The following MYO5A variants were observed in gnomAD, a reference collection of about 807,000 sequenced individuals.
MYO5A encodes the protein unconventional myosin-Va.
In MYO5A, 98 loss-of-function variants were observed where a neutral mutation model predicts 249.7. That is an observed-to-expected ratio of 0.39 (90% CI 0.33 to 0.46). The LOEUF (loss-of-function observed/expected upper bound fraction) is 0.46. MYO5A is among the 20% of genes least tolerant of loss of function. MYO5A has a pLI of 0.98. For synonymous variants in MYO5A, 778 were observed against 810.6 expected (o/e 0.96, Z 0.68); for missense variants, 1,696 against 2,308.8 (o/e 0.73, Z 5.44).
chr15:52,323,104 T>C (rs1596284825), intron 37 of MYO5A, among the ~76,000 whole-genome samples: 1 of 152,220 alleles, frequency 6.6e-6, no homozygotes, highest in African/African-American at 2.4e-5. Context: ...AAAGTTTTAC[T>C]TCTGGTAACT....
chr15:52,436,818 T>C (rs907409669), intron 1 of MYO5A, among the ~76,000 whole-genome samples: 4 of 135,154 alleles, frequency 3.0e-5, no homozygotes, highest in Non-Finnish European at 5.9e-5. Context: ...TCTCTTATTA[T>C]TACCAACACA....
At chr15:52,404,267 C>CA (rs61505096) in intron 9 of MYO5A, among the ~76,000 whole-genome samples, 56 of 87,540 alleles carry the variant, frequency 6.4e-4, no homozygotes, top group African/African-American at 2.2e-3. Flanking sequence ...AACTCCGTCT[C>CA]AAAAAAAAAA....
chr15:52,524,278 G>C (rs1249101970), intron 1 of MYO5A, among the ~76,000 whole-genome samples: 1 of 152,130 alleles, frequency 6.6e-6, no homozygotes, highest in Non-Finnish European at 1.5e-5. Flanking sequence ...AATAAGCCAG[G>C]CATGGTGGCT....
rs73408458 is a variant in MYO5A at position 52,338,095 on chromosome 15, C to A, written c.4240-211G>T. Among the ~76,000 whole-genome samples, 164 of 152,134 alleles carry A rather than the reference C, an allele frequency of 1.1e-3. 1 individual carries two copies. The highest frequency in any genetic ancestry group is 3.7e-3 in the African/African-American group (153 of 41,510). On this transcript the variant is annotated intron_variant, in intron 32 of 41. Transcript: ENST00000399233. ...TATGTACAGATGTTTCTTGTGTGAA[C>A]AAAGGAAAGAGGCTGTGGCCAGGAT...
chr15:52,369,869 CTTTTTTTT>C, intron 22 of MYO5A, among the ~76,000 whole-genome samples: 1 of 93,806 alleles, frequency 1.1e-5, no homozygotes, highest in African/African-American at 3.7e-5. Flanking sequence ...CCCAGACTGA[CTTTTTTTT>C]TTTTTTTTTT....
chr15:52,485,444 T>C (rs2076800557), intron 1 of MYO5A, among the ~76,000 whole-genome samples: 1 of 152,188 alleles, frequency 6.6e-6, no homozygotes, highest in South Asian at 2.1e-4. Flanking sequence ...CCTAAGTCAG[T>C]TGATCTCTGC....
intron 1 of MYO5A, among the ~76,000 whole-genome samples, chr15:52,480,822 C>T (rs1408004056): frequency 6.6e-6 from 1 of 152,186 alleles, no homozygotes; most frequent in Non-Finnish European, 1.5e-5. Flanking sequence ...ATCTACAGTG[C>T]TACAAAGTGC....
rs141510750 is a variant in MYO5A, at chr15:52,344,699, C to G, written c.3960-1502G>C. Among the ~76,000 whole-genome samples the G allele has an allele frequency of 4.4e-4, 67 of 152,348 alleles. 1 individual carries two copies. In the East Asian group the frequency reaches 7.1e-3, roughly 16 times the overall value. ...TAGCTTTCCAAAAATCAAATCTCAT[C>G]ACACCATTCTCCTACTTAACACCTT... On this transcript the variant is annotated intron_variant, in intron 30 of 41. Coordinates refer to ENST00000399233, the MANE Select transcript of MYO5A (RefSeq NM_001382347.1).
In MYO5A at chr15:52,451,563, C is replaced by T. The variant is rs77926089; in HGVS notation, c.28-18278G>A. ...ATTTGGCACTTGCCCTCAGAAGGTT[C>T]GAAGAACCAACCCCATCTCATGACA... On this transcript the variant is annotated intron_variant, in intron 1 of 41. Coordinates refer to ENST00000399233, the MANE Select transcript of MYO5A (RefSeq NM_001382347.1). Among the ~76,000 whole-genome samples the T allele has an allele frequency of 6.6e-4, 101 of 152,318 alleles. 1 individual carries two copies. The highest frequency in any genetic ancestry group is 2.7e-3 in the East Asian group (14 of 5,188).
intron 1 of MYO5A, among the ~76,000 whole-genome samples, chr15:52,470,033 C>T (rs1595741621): frequency 1.3e-5 from 2 of 152,192 alleles, no homozygotes; most frequent in Admixed American, 6.5e-5. Context: ...AACATCTGGA[C>T]GATTTTCTAC....
chr15:52,428,813 C>A (rs536413772), intron 2 of MYO5A, among the ~76,000 whole-genome samples: 1 of 152,262 alleles, frequency 6.6e-6, no homozygotes, highest in Non-Finnish European at 1.5e-5. Context: ...TAGCCTAGAC[C>A]TTTTTCACCC....
At chr15:52,327,328 G>T (rs1444536702) in intron 36 of MYO5A, among the ~76,000 whole-genome samples, 5 of 152,118 alleles carry the variant, frequency 3.3e-5, no homozygotes, top group Non-Finnish European at 7.4e-5. Flanking sequence ...AGTTAATTTT[G>T]ATTACTGTTC....
At chr15:52,509,338 T>C (rs1360452011) in intron 1 of MYO5A, among the ~76,000 whole-genome samples, 2 of 152,150 alleles carry the variant, frequency 1.3e-5, no homozygotes, top group Admixed American at 1.3e-4. Context: ...ACCAAGATGA[T>C]CACATATAAG....
At chr15:52,503,834 A>G (rs2077206345) in intron 1 of MYO5A, among the ~76,000 whole-genome samples, 1 of 152,186 alleles carries the variant, frequency 6.6e-6, no homozygotes. Context: ...ATCTACCTCT[A>G]CTTTAACTTT....
intron 35 of MYO5A, 127 bp from the exon 36 acceptor site, chr15:52,328,133 G>A: frequency 1.3e-6 from 1 of 789,668 alleles, no homozygotes; most frequent in Non-Finnish European, 2.0e-6. Context: ...AATATAAAAA[G>A]TGTATTTTAA....
At chr15:52,337,642 C>T (rs2039179000) in intron 33 of MYO5A, among the ~76,000 whole-genome samples, 168 bp downstream of exon 33, 1 of 152,194 alleles carries the variant, frequency 6.6e-6, no homozygotes, top group South Asian at 2.1e-4. Flanking sequence ...ACTCAGGACA[C>T]TGACAGAGGT....
At chr15:52,426,935 C>T (rs556787758) in intron 3 of MYO5A, among the ~76,000 whole-genome samples, 2 of 151,954 alleles carry the variant, frequency 1.3e-5, no homozygotes, top group Non-Finnish European at 2.9e-5. Context: ...GGGTTTCTGA[C>T]TTGATAGGGT....
Position 52,488,496 on chromosome 15 carries a change from T to A in MYO5A, c.27+40284A>T, listed in dbSNP as rs192975683. The stretch of plus-strand genomic sequence containing the variant: ...ACAAATATCAAAATTCTGCTGCTGG[T>A]GCTAGTCCCTAGACCTAGGCTTTAA... On this transcript the variant is annotated intron_variant, in intron 1 of 41. Coordinates refer to ENST00000399233, the MANE Select transcript of MYO5A (RefSeq NM_001382347.1). 3.3e-5 allele frequency among the ~76,000 whole-genome samples: 5 copies of A among 152,304 alleles called. No individual in the cohort carries two copies. In the East Asian group the frequency reaches 9.6e-4, roughly 29 times the overall value.
chr15:52,519,295 A>G (rs1398480615), intron 1 of MYO5A, among the ~76,000 whole-genome samples: 2 of 152,204 alleles, frequency 1.3e-5, no homozygotes, highest in African/African-American at 2.4e-5. Flanking sequence ...GAAAGGTGAC[A>G]TAGGGTTCAT....
Sources: gnomAD v4.1 joint callset for allele counts (sites outside exome capture counted in the v4.1 genomes callset) on GRCh38, gnomAD v4.1.1 for gene constraint, MANE v1.5 for transcripts, NCBI Gene and HGNC (gene_info 2026-07-23, HGNC 2026-07-21) for gene names.